The following FAM149B1 variants were observed in gnomAD, a reference collection of about 807,000 sequenced individuals.
The protein encoded by FAM149B1 is family with sequence similarity 149 member B1.
FAM149B1 carries 56 observed loss-of-function variants against 75.3 expected under a neutral mutation model. That is an observed-to-expected ratio of 0.74 (90% CI 0.60 to 0.93). The LOEUF is 0.93. FAM149B1 is among the 40% of genes least tolerant of loss of function. The pLI, the probability that FAM149B1 is intolerant of heterozygous loss-of-function variation, is 0.00. For synonymous variants in FAM149B1, 259 were observed against 256.1 expected, an observed-to-expected ratio of 1.01 and a Z score of -0.11; for missense variants, 639 against 708.4, an observed-to-expected ratio of 0.90 and a Z score of 1.11.
chr10:73,229,735 G>A (rs2043641177), intron 8 of FAM149B1, among the ~76,000 whole-genome samples: 1 of 152,172 alleles, frequency 6.6e-6, no homozygotes, highest in African/African-American at 2.4e-5. Flanking sequence ...CGTTCTGGTC[G>A]CTGATGACCT....
intron 1 of FAM149B1, among the ~76,000 whole-genome samples, chr10:73,171,228 C>A (rs895291642): frequency 6.6e-6 from 1 of 152,152 alleles, no homozygotes; most frequent in Non-Finnish European, 1.5e-5. Flanking sequence ...TGTGAGCCAC[C>A]GCGCCTGGCC....
chr10:73,233,890 A>G (rs1452798237), intron 10 of FAM149B1, among the ~76,000 whole-genome samples: 5 of 152,174 alleles, frequency 3.3e-5, no homozygotes, highest in Non-Finnish European at 7.3e-5. Context: ...TCCATTGACA[A>G]TGAAAACTTC....
chr10:73,176,824 C>A (rs1456109820), intron 2 of FAM149B1, among the ~76,000 whole-genome samples: 2 of 152,086 alleles, frequency 1.3e-5, no homozygotes, highest in African/African-American at 2.4e-5. Context: ...GTCAGGAGTT[C>A]AAGACCAGCC....
intron 3 of FAM149B1, among the ~76,000 whole-genome samples, chr10:73,186,646 T>C (rs1218601063): frequency 6.6e-6 from 1 of 152,212 alleles, no homozygotes; most frequent in Non-Finnish European, 1.5e-5. Context: ...GGTCACAGTA[T>C]ACAAGAACAA....
chr10:73,192,423 C>A, intron 3 of FAM149B1, 133 bp from the exon 4 acceptor site: 1 of 831,718 alleles, frequency 1.2e-6, no homozygotes, highest in Non-Finnish European at 1.8e-6. Flanking sequence ...ACTTTTCTTT[C>A]GTGGAAACAC....
chr10:73,234,722 C>T (rs1051773279), intron 10 of FAM149B1, 95 bp from the exon 11 acceptor site: 1 of 1,349,008 alleles, frequency 7.4e-7, no homozygotes, highest in South Asian at 1.4e-5. Context: ...GCACATTAAA[C>T]TCATCTGCTT....
At chr10:73,186,641 C>T (rs777481312) in intron 3 of FAM149B1, among the ~76,000 whole-genome samples, 1 of 152,220 alleles carries the variant, frequency 6.6e-6, no homozygotes, top group Non-Finnish European at 1.5e-5. Flanking sequence ...AGTTAGGTCA[C>T]AGTATACAAG....
chr10:73,173,140 AT>A (rs1843787923), intron 1 of FAM149B1, among the ~76,000 whole-genome samples: 2 of 151,962 alleles, frequency 1.3e-5, no homozygotes, highest in Non-Finnish European at 2.9e-5. Context: ...TAAAAGTGAA[AT>A]TTTTTTACCT....
chr10:73,169,223 G>T (rs1224124531), intron 1 of FAM149B1, among the ~76,000 whole-genome samples: 3 of 151,772 alleles, frequency 2.0e-5, no homozygotes, highest in Admixed American at 2.0e-4. Context: ...TACTTGGGAG[G>T]ATGAGGCAGG....
chr10:73,204,281 C>T (rs775413547), intron 5 of FAM149B1, among the ~76,000 whole-genome samples: 4 of 151,920 alleles, frequency 2.6e-5, no homozygotes, highest in African/African-American at 7.3e-5. Flanking sequence ...CATGCCATCA[C>T]GCCTGGCTAA....
intron 7 of FAM149B1, among the ~76,000 whole-genome samples, chr10:73,219,519 A>G (rs1164744451): frequency 1.3e-5 from 2 of 152,216 alleles, no homozygotes; most frequent in Admixed American, 6.5e-5. Flanking sequence ...ACAAAACTGC[A>G]GTAATCAAAA....
rs1355085002 is a variant in FAM149B1 at position 73,222,642 on chromosome 10, C to G, written c.899-5418C>G. Among the ~76,000 whole-genome samples the G allele has an allele frequency of 2.6e-5, 4 of 152,092 alleles. No individual in the cohort carries two copies. The South Asian group carries it at 8.3e-4, about 32-fold the overall frequency. On this transcript the variant is annotated intron_variant, in intron 7 of 13. Transcript: ENST00000242505. Reference sequence around the variant, plus strand: ...GTGCCTCAGTTCCCACTCTTTATGCCATATCTTGGAAACTTTTTCAAGGCA... The same window carrying G: ...GTGCCTCAGTTCCCACTCTTTATGCGATATCTTGGAAACTTTTTCAAGGCA...
chr10:73,222,374 G>A (rs1429148574), intron 7 of FAM149B1, among the ~76,000 whole-genome samples: 1 of 152,134 alleles, frequency 6.6e-6, no homozygotes, highest in Non-Finnish European at 1.5e-5. Flanking sequence ...AGTGGGAACA[G>A]GCAGTATTCC....
chr10:73,223,913 C>A (rs1232874607), intron 7 of FAM149B1, among the ~76,000 whole-genome samples: 1 of 152,144 alleles, frequency 6.6e-6, no homozygotes, highest in African/African-American at 2.4e-5. Context: ...GAACTCCTTC[C>A]AGTTTCAGTG....
At chr10:73,169,557 G>A (rs903181475) in intron 1 of FAM149B1, among the ~76,000 whole-genome samples, 1 of 151,470 alleles carries the variant, frequency 6.6e-6, no homozygotes, top group Non-Finnish European at 1.5e-5. Context: ...TATGGGCTCA[G>A]GTGATCCTCA....
chr10:73,235,119 G>A (rs942567906), intron 11 of FAM149B1, 74 bp from the exon 12 acceptor site: 1 of 1,499,962 alleles, frequency 6.7e-7, no homozygotes, highest in South Asian at 1.2e-5. Context: ...ATCTGCCATG[G>A]TCGATAGGGT....
In FAM149B1 at chr10:73,243,960, C is replaced by T; in HGVS notation, c.*2941C>T. 6.3e-7 allele frequency: 1 copy of T among 1,579,518 alleles called. No individual in the cohort carries two copies. Among genetic ancestry groups the T allele is most frequent in the Admixed American group, 1.8e-5 (1 of 56,148 alleles). On this transcript the variant is annotated 3_prime_UTR_variant, in exon 14 of 14. Coordinates refer to ENST00000242505, the MANE Select transcript of FAM149B1 (RefSeq NM_173348.2). ...ACAGGAACTCACATGAGACTCAGGG[C>T]CACCAGGAAATGCTTAAAATACATA...
intron 5 of FAM149B1, 99 bp downstream of exon 5, chr10:73,193,692 T>A: frequency 8.6e-7 from 1 of 1,158,434 alleles, no homozygotes; most frequent in Non-Finnish European, 1.2e-6. Flanking sequence ...TTCCTACTTA[T>A]TAGTATTTAG....
intron 5 of FAM149B1, among the ~76,000 whole-genome samples, chr10:73,195,285 G>T (rs1461083981): frequency 2.0e-5 from 3 of 152,126 alleles, no homozygotes; most frequent in Non-Finnish European, 4.4e-5. Context: ...TGAGATTTGG[G>T]TTATCAACTG....
Sources: allele counts gnomAD v4.1 joint callset (sites outside exome capture counted in the v4.1 genomes callset), GRCh38; gene constraint gnomAD v4.1.1; transcripts MANE v1.5; gene names NCBI Gene and HGNC (gene_info 2026-07-23, HGNC 2026-07-21).